Variants in TSPAN7 observed in about 807,000 individuals in gnomAD.
TSPAN7 encodes the protein tetraspanin-7.
Under a neutral mutation model 17.6 loss-of-function variants are expected in TSPAN7, and 1 was observed. The ratio of observed to expected loss-of-function variants is 0.06; its 90% confidence interval spans 0.02 to 0.27. TSPAN7 has a LOEUF of 0.27. Among genes scored for constraint, TSPAN7 ranks in the 10% least tolerant of loss-of-function variants. The probability of loss-of-function intolerance (pLI) is 1.00; values close to 1 mark genes in which losing one functional copy is unlikely to be tolerated. For synonymous variants in TSPAN7, 78 were observed against 79.0 expected, an observed-to-expected ratio of 0.99 and a Z score of 0.07; for missense variants, 112 against 201.7, an observed-to-expected ratio of 0.56 and a Z score of 2.69.
chrX:38,575,589 A>G (rs1230199600), intron 1 of TSPAN7, among the ~76,000 whole-genome samples: 1 of 111,979 alleles, frequency 8.9e-6, no homozygotes, highest in African/African-American at 3.2e-5. Context: ...GCCCTCACTT[A>G]GATGATATGA....
At chrX:38,590,238 G>A (rs2069283525) in intron 1 of TSPAN7, among the ~76,000 whole-genome samples, 2 of 111,642 alleles carry the variant, frequency 1.8e-5, no homozygotes, top group African/African-American at 6.5e-5. Flanking sequence ...CTGACTAGCT[G>A]GGAGTACAGG....
chrX:38,648,076 A>C (rs2069654857), intron 1 of TSPAN7, among the ~76,000 whole-genome samples: 1 of 111,935 alleles, frequency 8.9e-6, no homozygotes. Context: ...CTGAGCCTGC[A>C]TTCTTATCTT....
chrX:38,670,728 C>T (rs1284681378), intron 2 of TSPAN7, among the ~76,000 whole-genome samples: 2 of 112,306 alleles, frequency 1.8e-5, no homozygotes, highest in African/African-American at 3.2e-5. Flanking sequence ...CTACTGGAGG[C>T]GTTTGCCTAG....
intron 5 of TSPAN7, among the ~76,000 whole-genome samples, chrX:38,679,735 A>T (rs1439943055): frequency 9.0e-6 from 1 of 110,949 alleles, no homozygotes; most frequent in African/African-American, 3.3e-5. Flanking sequence ...AAAAAAGAGA[A>T]AAGAAAAGAA....
intron 1 of TSPAN7, among the ~76,000 whole-genome samples, chrX:38,657,357 G>A (rs1394572673): frequency 9.0e-6 from 1 of 111,636 alleles, no homozygotes; most frequent in Admixed American, 9.5e-5. Flanking sequence ...GATCTTTACC[G>A]TGTTCAGATT....
chrX:38,653,174 A>G (rs1297025988), intron 1 of TSPAN7, among the ~76,000 whole-genome samples: 2 of 112,164 alleles, frequency 1.8e-5, no homozygotes, highest in African/African-American at 6.5e-5. Flanking sequence ...ACAGAGATTA[A>G]GAATAAATGT....
intron 1 of TSPAN7, among the ~76,000 whole-genome samples, chrX:38,646,632 C>T (rs1272092602): frequency 1.8e-5 from 2 of 112,077 alleles, no homozygotes; most frequent in Non-Finnish European, 1.9e-5. Flanking sequence ...TAATTACTTC[C>T]TTGTTCAAGT....
intron 1 of TSPAN7, among the ~76,000 whole-genome samples, chrX:38,654,316 G>C (rs1449991482): frequency 2.7e-5 from 3 of 112,286 alleles, no homozygotes; most frequent in Non-Finnish European, 3.8e-5. Context: ...CTTAAATGCT[G>C]TTCATTATCT....
intron 1 of TSPAN7, among the ~76,000 whole-genome samples, chrX:38,610,020 G>A (rs1474959013): frequency 9.0e-6 from 1 of 111,080 alleles, no homozygotes; most frequent in African/African-American, 3.3e-5. Context: ...AGAGATTTTT[G>A]TACTAAAAAT....
intron 2 of TSPAN7, among the ~76,000 whole-genome samples, chrX:38,666,542 C>G (rs1012250138): frequency 3.6e-5 from 4 of 110,022 alleles, no homozygotes; most frequent in Non-Finnish European, 5.7e-5. Flanking sequence ...AAAGCAGTGG[C>G]CAGTGATTGC....
At chrX:38,608,629 TTTA>T (rs2069399525) in intron 1 of TSPAN7, among the ~76,000 whole-genome samples, 1 of 111,507 alleles carries the variant, frequency 9.0e-6, no homozygotes, top group Non-Finnish European at 1.9e-5. Context: ...TTTATTACAT[TTTA>T]TTTTTAAAAT....
At chrX:38,625,754 G>C (rs768299683) in intron 1 of TSPAN7, among the ~76,000 whole-genome samples, 5 of 111,882 alleles carry the variant, frequency 4.5e-5, no homozygotes, top group South Asian at 3.7e-4. Context: ...TTGATTTTGA[G>C]AATTGGGAAG....
At chrX:38,642,857 G>A (rs1478158847) in intron 1 of TSPAN7, among the ~76,000 whole-genome samples, 1 of 110,623 alleles carries the variant, frequency 9.0e-6, no homozygotes, top group African/African-American at 3.3e-5. Flanking sequence ...CCTCCCATGA[G>A]GTAGGATTAT....
At chrX:38,678,559 G>T (rs1602125059) in intron 5 of TSPAN7, among the ~76,000 whole-genome samples, 1 of 112,275 alleles carries the variant, frequency 8.9e-6, no homozygotes, top group East Asian at 2.8e-4. Flanking sequence ...AACATGGCCT[G>T]TGGTTGCAGT....
At chrX:38,611,189 C>T (rs943014813) in intron 1 of TSPAN7, among the ~76,000 whole-genome samples, 1 of 112,253 alleles carries the variant, frequency 8.9e-6, no homozygotes, top group African/African-American at 3.2e-5. Flanking sequence ...GTTGGAGCAG[C>T]TTAGTGAAAT....
intron 1 of TSPAN7, among the ~76,000 whole-genome samples, chrX:38,662,870 T>C (rs2069755787): frequency 1.8e-5 from 2 of 110,067 alleles, no homozygotes; most frequent in African/African-American, 6.6e-5. Context: ...TTCCACGTTA[T>C]TGAGAGGAAC....
chrX:38,567,668 G>A (rs767250973), intron 1 of TSPAN7, among the ~76,000 whole-genome samples: 5 of 112,331 alleles, frequency 4.5e-5, no homozygotes, highest in Admixed American at 9.3e-5. Flanking sequence ...GTGTACCAAC[G>A]TTTACTAGCT....
At chrX:38,563,122 T>C in intron 1 of TSPAN7, 1 of 968,541 alleles carries the variant, frequency 1.0e-6, no homozygotes, top group African/African-American at 2.0e-5. Flanking sequence ...GCGTTGGTGG[T>C]TCTTCAAGTC....
chrX:38,581,397 G>C (rs1367428128), intron 1 of TSPAN7, among the ~76,000 whole-genome samples: 3 of 111,853 alleles, frequency 2.7e-5, no homozygotes, highest in Non-Finnish European at 3.8e-5. Context: ...TCTTACATGC[G>C]GCAGGCAAGA....
Sources: allele counts gnomAD v4.1 joint callset (sites outside exome capture counted in the v4.1 genomes callset), GRCh38; gene constraint gnomAD v4.1.1; transcripts MANE v1.5; gene names NCBI Gene and HGNC (gene_info 2026-07-23, HGNC 2026-07-21).